Variants in NHEJ1 observed in about 807,000 individuals in gnomAD.
NHEJ1 encodes non-homologous end joining factor 1.
A neutral mutation model predicts 39.4 loss-of-function variants in NHEJ1; 22 were observed. That is an observed-to-expected ratio of 0.56 (90% CI 0.40 to 0.80). NHEJ1 has a LOEUF of 0.80. NHEJ1 is among the 30% of genes least tolerant of loss of function. The pLI is 0.00. For missense variants in NHEJ1, 329 were observed against 357.1 expected, an observed-to-expected ratio of 0.92 and a Z score of 0.63; for synonymous variants, 154 against 135.6, an observed-to-expected ratio of 1.14 and a Z score of -0.94.
At chr2:219,117,623 C>G (rs1219122596) in intron 5 of NHEJ1, among the ~76,000 whole-genome samples, 1 of 152,160 alleles carries the variant, frequency 6.6e-6, no homozygotes, top group Non-Finnish European at 1.5e-5. Context: ...TTTTTCAAAC[C>G]ACGAACTCAG....
At chr2:219,100,743 G>A (rs956538299) in intron 5 of NHEJ1, among the ~76,000 whole-genome samples, 1 of 152,276 alleles carries the variant, frequency 6.6e-6, no homozygotes, top group Non-Finnish European at 1.5e-5. Flanking sequence ...AGCCAGACAG[G>A]GTTGAGGAAA....
intron 5 of NHEJ1, among the ~76,000 whole-genome samples, chr2:219,100,470 G>A (rs1399612998): frequency 3.3e-5 from 5 of 151,894 alleles, no homozygotes; most frequent in Non-Finnish European, 5.9e-5. Flanking sequence ...AAATAGCTGG[G>A]GATGGTAGTG....
At chr2:219,082,106 CT>C (rs879770043) in intron 5 of NHEJ1, among the ~76,000 whole-genome samples, 19 of 152,178 alleles carry the variant, frequency 1.2e-4, no homozygotes, top group Non-Finnish European at 2.2e-4. Flanking sequence ...CCAGGCTTCC[CT>C]TTTTAGACTC....
intron 5 of NHEJ1, 94 bp downstream of exon 5, chr2:219,146,586 C>T (rs1574741296): frequency 1.0e-6 from 1 of 970,312 alleles, no homozygotes; most frequent in Non-Finnish European, 1.7e-6. Flanking sequence ...TCCAACCACA[C>T]AAGCCACCTA....
chr2:219,078,752 G>A (rs868717716), intron 5 of NHEJ1, among the ~76,000 whole-genome samples: 2 of 152,130 alleles, frequency 1.3e-5, no homozygotes, highest in Non-Finnish European at 2.9e-5. Flanking sequence ...CCCCACTGCT[G>A]TCCCACCCTC....
chr2:219,122,479 C>T (rs1949480959), intron 5 of NHEJ1, among the ~76,000 whole-genome samples: 1 of 152,126 alleles, frequency 6.6e-6, no homozygotes, highest in African/African-American at 2.4e-5. Flanking sequence ...AGTTTCCTAT[C>T]CCCCATAGTA....
chr2:219,093,523 G>A (rs1949180123), intron 5 of NHEJ1, among the ~76,000 whole-genome samples: 1 of 152,160 alleles, frequency 6.6e-6, no homozygotes, highest in Admixed American at 6.5e-5. Context: ...ACACAGAATG[G>A]TCAGTGCCTA....
rs568088014 is a variant in NHEJ1 at position 219,123,635 on chromosome 2, A to G, written c.588+23045T>C. ...CATGCAGTGGCTGGAATTAATGCTA[A>G]TAAGATTCCTGCTGTACTCATCCAC... On this transcript the variant is annotated intron_variant, in intron 5 of 7. Coordinates refer to ENST00000356853, the MANE Select transcript of NHEJ1 (RefSeq NM_024782.3). Among the ~76,000 whole-genome samples, 33 of 152,340 alleles carry G rather than the reference A, an allele frequency of 2.2e-4. No homozygotes were observed. In the South Asian group the frequency reaches 2.3e-3, roughly 11 times the overall value.
chr2:219,074,924 G>C lies in NHEJ1; in HGVS notation c.*1457C>G, dbSNP rs1015814001. On this transcript the variant is annotated 3_prime_UTR_variant, in exon 8 of 8. Coordinates refer to ENST00000356853, the MANE Select transcript of NHEJ1 (RefSeq NM_024782.3). Reference sequence around the variant, plus strand: ...AGCCTTGGTGGAGATCTCAGACTCTGCTAGCAGGAAAAAGCATGAGGGTAA... The same window carrying C: ...AGCCTTGGTGGAGATCTCAGACTCTCCTAGCAGGAAAAAGCATGAGGGTAA... Among the ~76,000 whole-genome samples the C allele has an allele frequency of 2.6e-5, 4 of 151,966 alleles. No homozygotes were observed. Among genetic ancestry groups the C allele is most frequent in the African/African-American group, 9.7e-5 (4 of 41,362 alleles).
intron 5 of NHEJ1, among the ~76,000 whole-genome samples, chr2:219,141,250 C>T (rs767617197): frequency 2.0e-5 from 3 of 151,902 alleles, no homozygotes; most frequent in African/African-American, 4.8e-5. Context: ...CGTGGTGGCT[C>T]AAGCCTGTAG....
At chr2:219,093,230 T>C (rs1013791280) in intron 5 of NHEJ1, among the ~76,000 whole-genome samples, 1 of 152,074 alleles carries the variant, frequency 6.6e-6, no homozygotes, top group Non-Finnish European at 1.5e-5. Flanking sequence ...CCACCTGTCC[T>C]CTACATAGAG....
intron 5 of NHEJ1, among the ~76,000 whole-genome samples, chr2:219,145,176 T>C (rs1448072996): frequency 2.0e-5 from 3 of 152,154 alleles, no homozygotes; most frequent in Non-Finnish European, 1.5e-5. Context: ...GATTGTGCCA[T>C]GGCACTCCAG....
At chr2:219,096,552 GA>G (rs1358277640) in intron 5 of NHEJ1, among the ~76,000 whole-genome samples, 2 of 152,078 alleles carry the variant, frequency 1.3e-5, no homozygotes, top group African/African-American at 4.8e-5. Flanking sequence ...TGCAATGGGG[GA>G]AAAAAAGAGT....
chr2:219,136,477 T>C (rs1378876508), intron 5 of NHEJ1, among the ~76,000 whole-genome samples: 1 of 152,006 alleles, frequency 6.6e-6, no homozygotes, highest in Non-Finnish European at 1.5e-5. Flanking sequence ...TTAGTAGAGA[T>C]GGAGTTTCGC....
intron 5 of NHEJ1, among the ~76,000 whole-genome samples, chr2:219,132,512 C>G (rs1949588269): frequency 6.6e-6 from 1 of 152,176 alleles, no homozygotes; most frequent in African/African-American, 2.4e-5. Context: ...AGAAGGGGTT[C>G]TCTGGAGTAA....
intron 3 of NHEJ1, among the ~76,000 whole-genome samples, chr2:219,154,955 A>G (rs1949838398): frequency 6.8e-6 from 1 of 146,974 alleles, no homozygotes; most frequent in Middle Eastern, 3.6e-3. Context: ...ATGTTAATAT[A>G]TTATATATTA....
chr2:219,110,015 AC>A (rs1949349463), intron 5 of NHEJ1, among the ~76,000 whole-genome samples: 1 of 152,070 alleles, frequency 6.6e-6, no homozygotes, highest in South Asian at 2.1e-4. Flanking sequence ...TTGGGTATGT[AC>A]CCCCTATGAA....
chr2:219,093,114 G>A (rs947375786), intron 5 of NHEJ1, among the ~76,000 whole-genome samples: 6 of 152,062 alleles, frequency 3.9e-5, no homozygotes, highest in African/African-American at 9.7e-5. Flanking sequence ...ATTTATAATC[G>A]GTTCAGGGTA....
chr2:219,150,402 T>C (rs896393052), intron 3 of NHEJ1, among the ~76,000 whole-genome samples: 1 of 152,220 alleles, frequency 6.6e-6, no homozygotes, highest in African/African-American at 2.4e-5. Flanking sequence ...TGACTCCCAA[T>C]TGAGGTCCTT....
Sources: allele counts gnomAD v4.1 joint callset (sites outside exome capture counted in the v4.1 genomes callset), GRCh38; gene constraint gnomAD v4.1.1; transcripts MANE v1.5; gene names NCBI Gene and HGNC (gene_info 2026-07-23, HGNC 2026-07-21).